The following ADAMTS15 variants were observed in gnomAD, a reference collection of about 807,000 sequenced individuals.
The protein encoded by ADAMTS15 is ADAM metallopeptidase with thrombospondin type 1 motif 15.
ADAMTS15 carries 35 observed loss-of-function variants against 79.1 expected under a neutral mutation model. That is an observed-to-expected ratio of 0.44 (90% CI 0.34 to 0.59). The LOEUF is 0.59. Among genes scored for constraint, ADAMTS15 ranks in the 20% least tolerant of loss-of-function variants. The pLI is 0.02. For synonymous variants in ADAMTS15, 616 were observed against 567.3 expected (o/e 1.09, Z -1.22); for missense variants, 1,324 against 1,318.7 (o/e 1.00, Z -0.06).
At chr11:130,451,502 G>A (rs1592143107) in intron 1 of ADAMTS15, among the ~76,000 whole-genome samples, 1 of 152,218 alleles carries the variant, frequency 6.6e-6, no homozygotes, top group Admixed American at 6.5e-5. Flanking sequence ...CACTGCCTGA[G>A]TCATGGGGAA....
chr11:130,473,627 A>T lies in ADAMTS15; in HGVS notation c.2659A>T (p.Thr887Ser), dbSNP rs761535202. The T allele has an allele frequency of 1.2e-6, 2 of 1,609,396 alleles. No homozygotes were observed. Among genetic ancestry groups the T allele is most frequent in the Non-Finnish European group, 1.7e-6 (2 of 1,179,798 alleles). Residue 887 changes from threonine to serine, a missense_variant, in exon 8 of 8, where the codon ACA becomes TCA. By Grantham distance (58) the Thr-to-Ser change is moderately conservative. Coordinates refer to ENST00000299164, the MANE Select transcript of ADAMTS15 (RefSeq NM_139055.4). ...TGATGCAGCCCATCGGCCCGTGGAG[A>T]CACAAGCCTGCGGGGAGCCCTGCCC... is the stretch of plus-strand genomic sequence containing the variant. ...ACDAAHRPVETQACGEPCPTW... is the reference protein window; with the variant it reads ...ACDAAHRPVESQACGEPCPTW...
chr11:130,459,723 C>A (rs1938160470), intron 1 of ADAMTS15, among the ~76,000 whole-genome samples: 1 of 152,206 alleles, frequency 6.6e-6, no homozygotes, highest in Non-Finnish European at 1.5e-5. Flanking sequence ...ACTGTTCACT[C>A]ATTAGGAGGT....
intron 7 of ADAMTS15, 69 bp downstream of exon 7, chr11:130,471,452 G>A: frequency 1.3e-6 from 2 of 1,547,198 alleles, no homozygotes; most frequent in South Asian, 2.5e-5. Context: ...CAGGGTATTG[G>A]AAGCTTGGGT....
chr11:130,461,882 G>T (rs1358908747), intron 2 of ADAMTS15, among the ~76,000 whole-genome samples: 1 of 152,174 alleles, frequency 6.6e-6, no homozygotes, highest in Non-Finnish European at 1.5e-5. Context: ...GGTACACTCT[G>T]TTGTCAGGGA....
rs188564366 is a variant in ADAMTS15, at chr11:130,461,864, G to A, written c.1091-223G>A. On this transcript the variant is annotated intron_variant, in intron 2 of 7. Transcript: ENST00000299164. ...GGCACTGTGGGGACACCATGTTAAC[G>A]ACAAGGAGGTACACTCTGTTGTCAG... Among the ~76,000 whole-genome samples, 185 of 152,272 alleles carry A rather than the reference G, an allele frequency of 1.2e-3. 1 individual carries two copies. Among genetic ancestry groups the A allele is most frequent in the African/African-American group, 4.0e-3 (168 of 41,554 alleles).
chr11:130,456,966 C>A (rs535950626), intron 1 of ADAMTS15, among the ~76,000 whole-genome samples: 25 of 152,318 alleles, frequency 1.6e-4, no homozygotes, highest in East Asian at 7.7e-4. Flanking sequence ...GGTGCGGTGG[C>A]TCATGCCTGT....
At chr11:130,464,062 G>C (rs1938255087) in intron 4 of ADAMTS15, among the ~76,000 whole-genome samples, 1 of 152,174 alleles carries the variant, frequency 6.6e-6, no homozygotes, top group South Asian at 2.1e-4. Context: ...GTGAGCTGCA[G>C]GGCTGTGTAG....
At chr11:130,468,547 C>T (rs1348400874) in intron 4 of ADAMTS15, among the ~76,000 whole-genome samples, 5 of 151,952 alleles carry the variant, frequency 3.3e-5, no homozygotes, top group African/African-American at 7.2e-5. Context: ...GGGCGGATCA[C>T]GAGGTCAGGA....
At chr11:130,466,669 T>G (rs1167577970) in intron 4 of ADAMTS15, among the ~76,000 whole-genome samples, 4 of 152,218 alleles carry the variant, frequency 2.6e-5, no homozygotes, top group African/African-American at 9.6e-5. Context: ...ATCTTACTCC[T>G]TACAGATGAT....
chr11:130,462,110 G>T lies in ADAMTS15; in HGVS notation c.1114G>T (p.Asp372Tyr). The change falls in exon 3 of 8, where the codon GAC becomes TAC. Residue 372 changes from aspartate to tyrosine, a missense_variant. Asp to Tyr is a radical substitution (Grantham distance 160). Coordinates refer to ENST00000299164, the MANE Select transcript of ADAMTS15 (RefSeq NM_139055.4). The surrounding 1 kb of genome is among the most constrained non-coding windows in gnomAD (Gnocchi z 4.3). ...AGGCCACGTGTTCAACATGCCCCAT[G>T]ACAATGTGAAAGTCTGTGAGGAGGT... ...ELGHVFNMPHDNVKVCEEVFG... is the reference protein window; with the variant it reads ...ELGHVFNMPHYNVKVCEEVFG... 1 of 1,613,844 alleles carries T rather than the reference G, an allele frequency of 6.2e-7. No homozygotes were observed. Among genetic ancestry groups the T allele is most frequent in the East Asian group, 2.2e-5 (1 of 44,850 alleles).
At position 130,470,133 on chromosome 11, in the gene ADAMTS15, CATATATATATATATAT is replaced by C. The variant is rs1244452788; in HGVS notation, c.1720+697_1720+712del. ...CATTACTGAATCATATATATATATA[CATATATATATATATAT>C]ATGTGTATATATATATATATATATA... is the stretch of plus-strand genomic sequence containing the variant. On this transcript the variant is annotated intron_variant, in intron 5 of 7. Coordinates refer to ENST00000299164, the MANE Select transcript of ADAMTS15 (RefSeq NM_139055.4). Among the ~76,000 whole-genome samples, 297 of 74,622 alleles carry C rather than the reference CATATATATATATATAT, an allele frequency of 4.0e-3. 9 individuals carry two copies. Among genetic ancestry groups the C allele is most frequent in the Middle Eastern group, 6.1e-3 (1 of 164 alleles). 49.0% of individuals were successfully genotyped at this position (74,622 alleles called of 152,430 possible).
intron 4 of ADAMTS15, among the ~76,000 whole-genome samples, chr11:130,464,970 GAAA>G (rs35175698): frequency 7.5e-6 from 1 of 134,018 alleles, no homozygotes; most frequent in African/African-American, 2.8e-5. Context: ...CCATCTCAAG[GAAA>G]AAAAAAAAAA....
At chr11:130,460,426 G>A (rs1404314947) in intron 1 of ADAMTS15, among the ~76,000 whole-genome samples, 10 of 152,060 alleles carry the variant, frequency 6.6e-5, no homozygotes, top group African/African-American at 2.4e-4. Context: ...ACAGGCACCT[G>A]CCACCATGCT....
At chr11:130,453,150 A>T (rs893383753) in intron 1 of ADAMTS15, among the ~76,000 whole-genome samples, 3 of 152,090 alleles carry the variant, frequency 2.0e-5, no homozygotes, top group Admixed American at 2.0e-4. Flanking sequence ...GCTCCAAGGG[A>T]CGGGAGCAGG....
chr11:130,449,582 C>T lies in ADAMTS15; in HGVS notation c.609C>T (p.Ser203=). 1 of 1,597,668 alleles carries T rather than the reference C, an allele frequency of 6.3e-7. No homozygotes were observed. The change falls in exon 1 of 8, where the codon AGC becomes AGT. Residue 203 remains serine, a synonymous_variant. Coordinates refer to ENST00000299164, the MANE Select transcript of ADAMTS15 (RefSeq NM_139055.4). The surrounding 1 kb of genome is among the most constrained non-coding windows in gnomAD (Gnocchi z 7.8). ...PRRAGFGESR[S]RRRSGRAKRF... Reference sequence around the variant, plus strand: ...GGGCGGGCTTCGGGGAGAGTCGTAGCCGGCGCAGGTCTGGGCGCGCCAAGC... The same window carrying T: ...GGGCGGGCTTCGGGGAGAGTCGTAGTCGGCGCAGGTCTGGGCGCGCCAAGC...
chr11:130,452,487 A>G (rs1360270891), intron 1 of ADAMTS15, among the ~76,000 whole-genome samples: 1 of 152,204 alleles, frequency 6.6e-6, no homozygotes, highest in Non-Finnish European at 1.5e-5. Context: ...GGAGCCAGGT[A>G]TTTAATGCCG....
chr11:130,453,536 A>G (rs2101289), intron 1 of ADAMTS15, among the ~76,000 whole-genome samples: 81,100 of 151,836 alleles, frequency 0.53, 22,839 homozygotes, highest in African/African-American at 0.72. Flanking sequence ...GGGGTCAAGT[A>G]ATACTCCCAC....
chr11:130,473,158 C>G lies in ADAMTS15; in HGVS notation c.2190C>G (p.Asn730Lys). 6.2e-7 allele frequency: 1 copy of G among 1,614,120 alleles called. No individual in the cohort carries two copies. Among genetic ancestry groups the G allele is most frequent in the Non-Finnish European group, 8.5e-7 (1 of 1,180,046 alleles). The stretch of plus-strand genomic sequence containing the variant: ...ATGACAACTACCTGGCTCTGAAGAA[C>G]AGCCAAGGCAAGTACCTGCTCAACG... ...IGDDNYLALK[N>K]SQGKYLLNGH... The change falls in exon 8 of 8, where the codon AAC (asparagine) becomes AAG (lysine). Residue 730 changes from asparagine to lysine, a missense_variant. Asn to Lys is a moderately conservative substitution (Grantham distance 94). Transcript: ENST00000299164.
At position 130,473,450 on chromosome 11, in the gene ADAMTS15, CT is replaced by C. The variant is rs775046215; in HGVS notation, c.2483del (p.Leu828ProfsTer120). ...PSVLHNSVLS[L>X]SNQVEQPDDR... is the part of the protein sequence containing the mutation. ...TGTCTTGCACAACAGCGTCCTCAGC[CT>C]CTCCAACCAGGTGGAGCAGCCGGAC... On this transcript the variant is annotated frameshift_variant, in exon 8 of 8. Transcript: ENST00000299164. LOFTEE classifies it high-confidence loss of function. 6.2e-7 allele frequency: 1 copy of C among 1,612,624 alleles called. No homozygotes were observed. The highest frequency in any genetic ancestry group is 8.5e-7 in the Non-Finnish European group (1 of 1,179,892).
Sources: gnomAD v4.1 joint callset for allele counts (sites outside exome capture counted in the v4.1 genomes callset) on GRCh38, gnomAD v4.1.1 for gene constraint, Gnocchi (gnomAD v3.1) non-coding constraint, MANE v1.5 for transcripts, NCBI Gene and HGNC (gene_info 2026-07-23, HGNC 2026-07-21) for gene names.